The following NELL1 variants were observed in gnomAD, a reference collection of about 807,000 sequenced individuals.
The protein encoded by NELL1 is protein kinase C-binding protein NELL1.
In NELL1, 76 loss-of-function variants were observed where a neutral mutation model predicts 107.4. The ratio of observed to expected loss-of-function variants is 0.71; its 90% CI spans 0.59 to 0.86. The LOEUF (loss-of-function observed/expected upper bound fraction) is 0.86. Ranked by LOEUF, NELL1 falls within the 40% of genes least tolerant of loss-of-function variation. The pLI is 0.00. For missense variants in NELL1, 1,024 were observed against 1,005.5 expected (o/e 1.02, Z -0.25); for synonymous variants, 353 against 341.2 (o/e 1.03, Z -0.38).
intron 13 of NELL1, among the ~76,000 whole-genome samples, chr11:21,227,568 T>C (rs1857926899): frequency 6.6e-6 from 1 of 152,208 alleles, no homozygotes; most frequent in Admixed American, 6.5e-5. Context: ...GACTTTTTTA[T>C]GTTTCTAACC....
At position 20,927,305 on chromosome 11, in the gene NELL1, C is replaced by T. The variant is rs1850518778; in HGVS notation, c.760-3C>T. ...AATTACATTCAGTAACTCTTGTTTGCAGCTAAATTATGCAGAGACAAGACT... is the reference window on the plus strand; with the variant it reads ...AATTACATTCAGTAACTCTTGTTTGTAGCTAAATTATGCAGAGACAAGACT... On this transcript the variant is annotated splice_polypyrimidine_tract_variant and splice_region_variant and intron_variant, in intron 7 of 19. Coordinates refer to ENST00000357134, the MANE Select transcript of NELL1 (RefSeq NM_006157.5). The T allele has an allele frequency of 6.2e-7, 1 of 1,601,628 alleles. No homozygotes were observed. The highest frequency in any genetic ancestry group is 1.1e-5 in the South Asian group (1 of 87,664).
At chr11:20,803,331 G>A (rs977925721) in intron 3 of NELL1, among the ~76,000 whole-genome samples, 1 of 151,918 alleles carries the variant, frequency 6.6e-6, no homozygotes, top group African/African-American at 2.4e-5. Context: ...ATTTCTTCTA[G>A]GTGTTCAAAT....
At chr11:21,099,271 T>C (rs958548552) in intron 12 of NELL1, among the ~76,000 whole-genome samples, 4 of 150,262 alleles carry the variant, frequency 2.7e-5, no homozygotes, top group Non-Finnish European at 5.9e-5. Context: ...TGTCATCCCA[T>C]GGCATAGTCC....
At chr11:20,880,900 C>T (rs1286614151) in intron 4 of NELL1, among the ~76,000 whole-genome samples, 2 of 152,100 alleles carry the variant, frequency 1.3e-5, no homozygotes, top group Admixed American at 1.3e-4. Context: ...AAAGAGACAG[C>T]ATGGAAGATA....
In NELL1 at chr11:21,337,837, T is replaced by TTGCTTGC. The variant is rs1555006224; in HGVS notation, c.1550-33015_1550-33014insGCTTGCT. 1.8e-3 allele frequency among the ~76,000 whole-genome samples: 152 copies of TTGCTTGC among 86,648 alleles called. 4 individuals carry two copies. The highest frequency in any genetic ancestry group is 5.7e-3 in the African/African-American group (122 of 21,242). 56.8% of individuals were successfully genotyped at this position (86,648 alleles called of 152,430 possible). ...CTTTCCTTCTTTCTTTCTTTCTTTC[T>TTGCTTGC]TTTCTTTCTTTCTTTCTTTCTTTCT... On this transcript the variant is annotated intron_variant, in intron 14 of 19. Transcript: ENST00000357134.
chr11:20,998,331 G>T (rs1254628533), intron 12 of NELL1, among the ~76,000 whole-genome samples: 1 of 152,164 alleles, frequency 6.6e-6, no homozygotes, highest in Non-Finnish European at 1.5e-5. Flanking sequence ...TTCCCTCAGA[G>T]TGCAGGATAT....
chr11:20,930,683 G>A (rs4590867), intron 9 of NELL1, among the ~76,000 whole-genome samples: 5,394 of 152,120 alleles, frequency 0.035, 257 homozygotes, highest in East Asian at 0.16. Flanking sequence ...CTCACTAGAC[G>A]TGTGTGGGAC....
intron 11 of NELL1, among the ~76,000 whole-genome samples, chr11:20,948,783 AAAAAC>A (rs895742605): frequency 4.6e-5 from 7 of 151,618 alleles, no homozygotes; most frequent in African/African-American, 1.7e-4. Context: ...AAAAAAAAAA[AAAAAC>A]AGTTAAACTC....
chr11:20,801,638 A>G (rs1335169802), intron 3 of NELL1, among the ~76,000 whole-genome samples: 1 of 152,190 alleles, frequency 6.6e-6, no homozygotes, highest in Admixed American at 6.5e-5. Context: ...GGTAGTACTC[A>G]AGAAATATTT....
intron 2 of NELL1, among the ~76,000 whole-genome samples, chr11:20,730,973 A>G (rs1399583062): frequency 6.6e-6 from 1 of 152,152 alleles, no homozygotes; most frequent in African/African-American, 2.4e-5. Context: ...GGATACATAG[A>G]TCTCTGAAGA....
chr11:21,296,817 A>G (rs996676554), intron 14 of NELL1, among the ~76,000 whole-genome samples: 2 of 151,892 alleles, frequency 1.3e-5, no homozygotes, highest in South Asian at 2.1e-4. Flanking sequence ...GGAAGAAATT[A>G]AATAAAATTA....
In NELL1 at chr11:21,006,842, C is replaced by T. The variant is rs147054725; in HGVS notation, c.1300+46282C>T. Among the ~76,000 whole-genome samples the T allele has an allele frequency of 5.3e-3, 811 of 152,210 alleles. 18 individuals are homozygous for T. Among genetic ancestry groups the T allele is most frequent in the South Asian group, 1.9e-3 (9 of 4,822 alleles). ...TCTGACAACCCCACAGGGAAGCGGGCAGGCTGGGCCAAAGGAAATTCTTTG... is the reference window on the plus strand; with the variant it reads ...TCTGACAACCCCACAGGGAAGCGGGTAGGCTGGGCCAAAGGAAATTCTTTG... On this transcript the variant is annotated intron_variant, in intron 12 of 19. Transcript: ENST00000357134.
chr11:21,051,431 G>A (rs1322527814), intron 12 of NELL1, among the ~76,000 whole-genome samples: 3 of 151,892 alleles, frequency 2.0e-5, no homozygotes, highest in South Asian at 4.2e-4. Flanking sequence ...CATTGGGTAC[G>A]TGTACACTGC....
intron 15 of NELL1, among the ~76,000 whole-genome samples, chr11:21,460,685 A>G (rs946266683): frequency 6.6e-6 from 1 of 152,000 alleles, no homozygotes; most frequent in Non-Finnish European, 1.5e-5. Context: ...GTGTAGAGGT[A>G]GGCATCTGGT....
intron 15 of NELL1, among the ~76,000 whole-genome samples, chr11:21,387,560 A>G (rs984365183): frequency 6.6e-6 from 1 of 151,924 alleles, no homozygotes; most frequent in Non-Finnish European, 1.5e-5. Context: ...TTATAGGATT[A>G]GGAGGTGTCA....
intron 4 of NELL1, among the ~76,000 whole-genome samples, chr11:20,856,483 A>C (rs1848884487): frequency 6.6e-6 from 1 of 152,206 alleles, no homozygotes; most frequent in South Asian, 2.1e-4. Flanking sequence ...ACAAGCTTCA[A>C]GTTGTGGCCA....
intron 3 of NELL1, among the ~76,000 whole-genome samples, chr11:20,820,413 G>A (rs1857724962): frequency 2.6e-5 from 4 of 152,168 alleles, no homozygotes; most frequent in South Asian, 4.1e-4. Context: ...ATGTACCCTT[G>A]TGAGAGGCAG....
At chr11:21,548,449 G>T (rs758972566) in intron 16 of NELL1, among the ~76,000 whole-genome samples, 1 of 151,826 alleles carries the variant, frequency 6.6e-6, no homozygotes, top group African/African-American at 2.4e-5. Context: ...TCAAAATCAC[G>T]GTGGAAGGCA....
intron 3 of NELL1, among the ~76,000 whole-genome samples, chr11:20,819,329 G>A (rs1450159542): frequency 1.3e-5 from 2 of 152,170 alleles, no homozygotes; most frequent in Non-Finnish European, 2.9e-5. Flanking sequence ...GAGAGGAAAG[G>A]CTTGGTGGCG....
Sources: allele counts gnomAD v4.1 joint callset (sites outside exome capture counted in the v4.1 genomes callset), GRCh38; gene constraint gnomAD v4.1.1; transcripts MANE v1.5; gene names NCBI Gene and HGNC (gene_info 2026-07-23, HGNC 2026-07-21).